The following PDS5A variants were observed in gnomAD, a reference collection of about 807,000 sequenced individuals.
PDS5A encodes PDS5 cohesin associated factor A, also known as sister chromatid cohesion protein PDS5 homolog A.
PDS5A carries 42 observed loss-of-function variants against 167.1 expected under a neutral mutation model. The ratio of observed to expected loss-of-function variants is 0.25; its 90% CI spans 0.20 to 0.33. The LOEUF (loss-of-function observed/expected upper bound fraction) is 0.33, where lower values mean the gene tolerates loss of function less well. Ranked by LOEUF, PDS5A falls within the 10% of genes least tolerant of loss-of-function variation. The pLI, the probability that PDS5A is intolerant of heterozygous loss-of-function variation, is 1.00. For synonymous variants in PDS5A, 553 were observed against 554.6 expected, an observed-to-expected ratio of 1.00 and a Z score of 0.04; for missense variants, 1,033 against 1,605.9, an observed-to-expected ratio of 0.64 and a Z score of 6.10.
chr4:39,879,983 T>C, intron 17 of PDS5A, 150 bp from the exon 18 acceptor site: 1 of 518,850 alleles, frequency 1.9e-6, no homozygotes, highest in South Asian at 3.5e-5. Context: ...CTCTACTTGA[T>C]AACTAAACTT....
intron 17 of PDS5A, among the ~76,000 whole-genome samples, chr4:39,887,512 G>A (rs1005374801): frequency 1.3e-5 from 2 of 152,132 alleles, no homozygotes; most frequent in African/African-American, 4.8e-5. Context: ...CAGGTTGCTA[G>A]TATTTTTGAG....
In PDS5A at chr4:39,862,298, G is replaced by A; in HGVS notation, c.3007C>T (p.Pro1003Ser). 6.6e-7 allele frequency: 1 copy of A among 1,525,370 alleles called. No individual in the cohort carries two copies. The highest frequency in any genetic ancestry group is 8.9e-7 in the Non-Finnish European group (1 of 1,123,818). 94.5% of individuals were successfully genotyped at this position (1,525,370 alleles called of 1,614,324 possible). Residue 1003 changes from proline (P) to serine (S), a missense_variant, in exon 26 of 33, where the codon CCA (proline) becomes TCA (serine). By Grantham distance (74) the Pro-to-Ser change is moderately conservative (BLOSUM62 -1). Around this residue, in one of 4 missense-constraint regions of PDS5A, gnomAD observed 367 missense variants for 686.7 expected, o/e 0.53. Transcript: ENST00000303538. ...LLSLLPEYVV[P>S]YMIHLLAHDP... ...TGGGCTAGCAGGTGAATCATGTATGGAACTACATATTCAGGCAACAGTGAT... is the reference window on the plus strand; with the variant it reads ...TGGGCTAGCAGGTGAATCATGTATGAAACTACATATTCAGGCAACAGTGAT...
chr4:39,831,875 CAAAAAAAAAA>C (rs58913167), intron 32 of PDS5A, among the ~76,000 whole-genome samples: 896 of 25,932 alleles, frequency 0.035, 12 homozygotes, highest in African/African-American at 0.13. Flanking sequence ...AAACTCGTCT[CAAAAAAAAAA>C]AAAAAAAAAA....
chr4:39,884,266 A>AT (rs1169276970), intron 17 of PDS5A, among the ~76,000 whole-genome samples: 5 of 152,098 alleles, frequency 3.3e-5, no homozygotes, highest in African/African-American at 1.2e-4. Context: ...GTCTACACTG[A>AT]TTGTCCCCAC....
chr4:39,842,079 G>C, intron 30 of PDS5A, 23 bp from the exon 31 acceptor site: 2 of 1,394,600 alleles, frequency 1.4e-6, no homozygotes, highest in Non-Finnish European at 2.0e-6. Flanking sequence ...AATAAACCAA[G>C]ACTTCATATT....
At chr4:39,887,912 CCAGA>C (rs747295014) in intron 17 of PDS5A, among the ~76,000 whole-genome samples, 11 of 151,912 alleles carry the variant, frequency 7.2e-5, no homozygotes, top group South Asian at 4.2e-4. Flanking sequence ...CAAAAAAACA[CCAGA>C]CAAACAAAAA....
At chr4:39,842,907 T>A (rs367965755) in intron 30 of PDS5A, among the ~76,000 whole-genome samples, 906 of 28,050 alleles carry the variant, frequency 0.032, 30 homozygotes, top group East Asian at 0.073. Flanking sequence ...CTTATCCTAT[T>A]TTTATATATA....
At chr4:39,934,715 C>T (rs28675973) in intron 2 of PDS5A, among the ~76,000 whole-genome samples, 7,438 of 148,796 alleles carry the variant, frequency 0.05, 293 homozygotes, top group East Asian at 0.23. Context: ...GAAACACTAA[C>T]ACCAATACTA....
At chr4:39,829,795 C>CA (rs1715661642) in intron 32 of PDS5A, among the ~76,000 whole-genome samples, 1 of 151,280 alleles carries the variant, frequency 6.6e-6, no homozygotes, top group African/African-American at 2.4e-5. Flanking sequence ...ACTAAAAATA[C>CA]AAAAAATTAG....
At chr4:39,935,996 T>C (rs993976380) in intron 2 of PDS5A, among the ~76,000 whole-genome samples, 1 of 152,164 alleles carries the variant, frequency 6.6e-6, no homozygotes, top group Non-Finnish European at 1.5e-5. Context: ...ATAAATCCAT[T>C]GTGGTATACC....
At chr4:39,857,135 G>A (rs1169611063) in intron 26 of PDS5A, among the ~76,000 whole-genome samples, 1 of 152,022 alleles carries the variant, frequency 6.6e-6, no homozygotes, top group Non-Finnish European at 1.5e-5. Context: ...GGTGGATCAC[G>A]AGGTCAGGAG....
chr4:39,960,413 T>C (rs1729373160), intron 2 of PDS5A, among the ~76,000 whole-genome samples: 1 of 152,214 alleles, frequency 6.6e-6, no homozygotes, highest in Non-Finnish European at 1.5e-5. Context: ...GGCACAATTG[T>C]AACTGTGTAG....
intron 31 of PDS5A, among the ~76,000 whole-genome samples, chr4:39,840,459 G>C (rs901727569): frequency 1.3e-5 from 2 of 152,194 alleles, no homozygotes; most frequent in Non-Finnish European, 2.9e-5. Context: ...ACAGTGGCGT[G>C]ATCTTGGCTC....
At position 39,954,670 on chromosome 4, in the gene PDS5A, T is replaced by TAAA. The variant is rs777287409; in HGVS notation, c.138+21767_138+21769dup. Among the ~76,000 whole-genome samples, 33 of 48,274 alleles carry TAAA rather than the reference T, an allele frequency of 6.8e-4. 3 individuals carry two copies. Among genetic ancestry groups the TAAA allele is most frequent in the African/African-American group, 2.5e-3 (31 of 12,622 alleles). The allele number at this position is 48,274 out of a possible 152,430, so 31.7% of individuals were successfully genotyped here. A position where few individuals can be genotyped will look rare whatever the true frequency, so the allele number is the denominator to read the frequency against. On this transcript the variant is annotated intron_variant, in intron 2 of 32. Coordinates refer to ENST00000303538, the MANE Select transcript of PDS5A (RefSeq NM_001100399.2). The stretch of plus-strand genomic sequence containing the variant: ...TAAGTACCCATTGTCAAGAGATAAG[T>TAAA]AAAAAAAAAAAAAAAAAAAAAAAAA...
intron 16 of PDS5A, among the ~76,000 whole-genome samples, chr4:39,893,990 T>C (rs961484043): frequency 4.6e-5 from 7 of 152,224 alleles, no homozygotes; most frequent in African/African-American, 1.4e-4. Flanking sequence ...TCAAGCTATT[T>C]CATTGTCTGA....
intron 25 of PDS5A, among the ~76,000 whole-genome samples, chr4:39,862,587 C>T (rs995967968): frequency 6.6e-6 from 1 of 152,054 alleles, no homozygotes; most frequent in Admixed American, 6.6e-5. Flanking sequence ...AGGTCCCTGG[C>T]AAAGCTAGGA....
At chr4:39,887,490 T>A (rs1028051744) in intron 17 of PDS5A, among the ~76,000 whole-genome samples, 1 of 152,214 alleles carries the variant, frequency 6.6e-6, no homozygotes, top group African/African-American at 2.4e-5. Context: ...ATTTTTAATG[T>A]GTTATTGAAA....
chr4:39,823,292 C>T lies in PDS5A; in HGVS notation c.*2193G>A, dbSNP rs1002277286. 6.6e-6 allele frequency: 1 copy of T among 152,196 alleles called. No homozygotes were observed. The highest frequency in any genetic ancestry group is 1.5e-5 in the Non-Finnish European group (1 of 68,038). 9.4% of individuals were successfully genotyped at this position (152,196 alleles called of 1,614,324 possible). On this transcript the variant is annotated 3_prime_UTR_variant, in exon 33 of 33. Transcript: ENST00000303538. ...TCTTTCCACAACCCTACTCTTGCTT[C>T]CCTTAGTGCCAGACACTTGCATCAT...
At chr4:39,944,039 G>T (rs987559013) in intron 2 of PDS5A, among the ~76,000 whole-genome samples, 1 of 151,362 alleles carries the variant, frequency 6.6e-6, no homozygotes, top group Non-Finnish European at 1.5e-5. Context: ...TTAGCGGGGC[G>T]TGGTGGCGGG....
Sources: allele counts gnomAD v4.1 joint callset (sites outside exome capture counted in the v4.1 genomes callset), GRCh38; gene constraint gnomAD v4.1.1; regional missense constraint gnomAD v4.1.1; transcripts MANE v1.5; gene names NCBI Gene and HGNC (gene_info 2026-07-23, HGNC 2026-07-21).